RSPO2: variants seen among roughly 807,000 people sequenced by gnomAD.
RSPO2 encodes R-spondin 2.
Under a neutral mutation model 30.9 loss-of-function variants are expected in RSPO2, and 14 were observed. That is an observed-to-expected ratio of 0.45 (90% CI 0.30 to 0.71). The LOEUF (loss-of-function observed/expected upper bound fraction) is 0.71. RSPO2 is among the 30% of genes least tolerant of loss of function. RSPO2 has a pLI of 0.08. For missense variants in RSPO2, 264 were observed against 301.9 expected, an observed-to-expected ratio of 0.87 and a Z score of 0.93; for synonymous variants, 107 against 96.4, an observed-to-expected ratio of 1.11 and a Z score of -0.64.
At chr8:107,957,307 G>A (rs1813462967) in intron 5 of RSPO2, among the ~76,000 whole-genome samples, 1 of 152,172 alleles carries the variant, frequency 6.6e-6, no homozygotes, top group Non-Finnish European at 1.5e-5. Flanking sequence ...GAATGACATT[G>A]TAGCATCCGC....
intron 2 of RSPO2, among the ~76,000 whole-genome samples, chr8:108,067,839 A>C (rs1461255641): frequency 6.6e-6 from 1 of 152,192 alleles, no homozygotes; most frequent in East Asian, 1.9e-4. Context: ...CTGTAATCCC[A>C]GCATTTTGGG....
At chr8:108,072,282 T>C (rs1812869170) in intron 2 of RSPO2, among the ~76,000 whole-genome samples, 1 of 149,742 alleles carries the variant, frequency 6.7e-6, no homozygotes, top group African/African-American at 2.5e-5. Flanking sequence ...CATGAGAACA[T>C]AGCATGTGAG....
At chr8:108,002,961 A>T (rs182208886) in intron 2 of RSPO2, among the ~76,000 whole-genome samples, 12 of 152,130 alleles carry the variant, frequency 7.9e-5, no homozygotes, top group Non-Finnish European at 5.9e-5. Context: ...GTTTTCTACA[A>T]TGTAGTTCAC....
chr8:108,075,241 G>A (rs575944691), intron 2 of RSPO2, among the ~76,000 whole-genome samples: 140 of 152,294 alleles, frequency 9.2e-4, no homozygotes, highest in Non-Finnish European at 1.8e-3. Flanking sequence ...AGCATTTTGG[G>A]AGGCCAAGGC....
intron 2 of RSPO2, among the ~76,000 whole-genome samples, chr8:108,001,938 C>G (rs1815261625): frequency 6.6e-6 from 1 of 152,070 alleles, no homozygotes; most frequent in Non-Finnish European, 1.5e-5. Context: ...CTAACGCATG[C>G]CGGGCTTAAA....
At chr8:108,035,961 A>G (rs749519813) in intron 2 of RSPO2, among the ~76,000 whole-genome samples, 1 of 152,192 alleles carries the variant, frequency 6.6e-6, no homozygotes, top group Non-Finnish European at 1.5e-5. Flanking sequence ...TGGTAAATAT[A>G]TTACAAAGAT....
intron 5 of RSPO2, among the ~76,000 whole-genome samples, chr8:107,923,772 C>G (rs911552568): frequency 2.0e-4 from 30 of 151,966 alleles, no homozygotes; most frequent in Non-Finnish European, 4.4e-5. Flanking sequence ...TTTGCAAGAA[C>G]AAGAGCATGT....
chr8:107,977,603 G>A (rs1450575965), intron 3 of RSPO2, among the ~76,000 whole-genome samples: 1 of 152,114 alleles, frequency 6.6e-6, no homozygotes, highest in Non-Finnish European at 1.5e-5. Flanking sequence ...TTGGGGGAGT[G>A]GGTCTGAGAG....
chr8:108,010,389 C>T (rs1271401930), intron 2 of RSPO2, among the ~76,000 whole-genome samples: 1 of 152,182 alleles, frequency 6.6e-6, no homozygotes, highest in African/African-American at 2.4e-5. Context: ...GCAGCAGCAT[C>T]CAGGGGTGCT....
chr8:107,941,000 T>G (rs992058816), intron 5 of RSPO2, among the ~76,000 whole-genome samples: 2 of 152,086 alleles, frequency 1.3e-5, no homozygotes, highest in African/African-American at 2.4e-5. Flanking sequence ...TTGTAGCAGT[T>G]TATATACCTT....
intron 4 of RSPO2, 32 bp downstream of exon 4, chr8:107,960,642 G>T: frequency 1.3e-6 from 2 of 1,591,268 alleles, no homozygotes; most frequent in South Asian, 1.2e-5. Flanking sequence ...AATAAAAGTT[G>T]CAGATTGAGA....
At position 108,029,054 on chromosome 8, in the gene RSPO2, C is replaced by CTTTTTTTTTTTTTTTT. The variant is rs71308771; in HGVS notation, c.95-39826_95-39811dup. Among the ~76,000 whole-genome samples the CTTTTTTTTTTTTTTTT allele has an allele frequency of 7.6e-5, 2 of 26,200 alleles. 1 individual carries two copies. The highest frequency in any genetic ancestry group is 2.2e-4 in the Non-Finnish European group (2 of 8,926). The allele number at this position is 26,200 out of a possible 152,430, so 17.2% of individuals were successfully genotyped here. A position where few individuals can be genotyped will look rare whatever the true frequency, so the allele number is the denominator to read the frequency against. ...AACTTGGGTAACTGTTAACATGAGT[C>CTTTTTTTTTTTTTTTT]TTTTTTTTTTTTTTTTTTTTTTTTT... is the stretch of plus-strand genomic sequence containing the variant. On this transcript the variant is annotated intron_variant, in intron 2 of 5. Transcript: ENST00000276659.
intron 2 of RSPO2, among the ~76,000 whole-genome samples, chr8:108,004,984 T>C (rs1043623895): frequency 2.0e-5 from 3 of 152,212 alleles, no homozygotes; most frequent in Non-Finnish European, 4.4e-5. Flanking sequence ...TCATATTATG[T>C]TTGAAATCTA....
At chr8:108,051,017 C>T (rs2130678803) in intron 2 of RSPO2, among the ~76,000 whole-genome samples, 1 of 152,198 alleles carries the variant, frequency 6.6e-6, no homozygotes, top group Admixed American at 6.5e-5. Context: ...CCTCTTATAC[C>T]ATAAAATCAA....
chr8:108,067,951 C>G (rs1444443883), intron 2 of RSPO2, among the ~76,000 whole-genome samples: 1 of 152,036 alleles, frequency 6.6e-6, no homozygotes, highest in Non-Finnish European at 1.5e-5. Context: ...TACCTGTAGT[C>G]CCAGCTACTC....
At chr8:108,053,488 G>A (rs1812137807) in intron 2 of RSPO2, among the ~76,000 whole-genome samples, 1 of 152,046 alleles carries the variant, frequency 6.6e-6, no homozygotes, top group Non-Finnish European at 1.5e-5. Context: ...TCTATAACTA[G>A]GCAAGCAAAG....
intron 2 of RSPO2, among the ~76,000 whole-genome samples, chr8:108,067,967 G>A (rs187187262): frequency 4.6e-5 from 7 of 152,244 alleles, no homozygotes; most frequent in African/African-American, 4.8e-5. Context: ...TACTCAGGAG[G>A]CTGAGGCGGG....
intron 3 of RSPO2, among the ~76,000 whole-genome samples, chr8:107,976,195 A>T (rs1814202489): frequency 6.6e-6 from 1 of 152,230 alleles, no homozygotes; most frequent in Admixed American, 6.5e-5. Flanking sequence ...AGGGGAAAAA[A>T]TCCTAACCCT....
chr8:108,059,244 G>GA (rs1254217272), intron 2 of RSPO2, among the ~76,000 whole-genome samples: 1 of 151,614 alleles, frequency 6.6e-6, no homozygotes, highest in African/African-American at 2.4e-5. Flanking sequence ...AAAAAAACAT[G>GA]AAAAAAATGC....
Sources: allele counts gnomAD v4.1 joint callset (sites outside exome capture counted in the v4.1 genomes callset), GRCh38; gene constraint gnomAD v4.1.1; transcripts MANE v1.5; gene names NCBI Gene and HGNC (gene_info 2026-07-23, HGNC 2026-07-21).